Variants in KIF13A observed in about 807,000 individuals in gnomAD.
KIF13A encodes the protein kinesin family member 13A.
KIF13A carries 79 observed loss-of-function variants against 212.2 expected under a neutral mutation model. The ratio of observed to expected loss-of-function variants is 0.37; its 90% CI spans 0.31 to 0.45. The LOEUF (loss-of-function observed/expected upper bound fraction) is 0.45. Among genes scored for constraint, KIF13A ranks in the 20% least tolerant of loss-of-function variants. The pLI is 1.00. For missense variants in KIF13A, 1,901 were observed against 2,209.0 expected (o/e 0.86, Z 2.79); for synonymous variants, 789 against 808.6 (o/e 0.98, Z 0.41).
intron 2 of KIF13A, among the ~76,000 whole-genome samples, chr6:17,902,938 CAT>C (rs1242752186): frequency 2.0e-5 from 3 of 152,160 alleles, no homozygotes; most frequent in Non-Finnish European, 2.9e-5. Context: ...GTGAGTTAAA[CAT>C]AATCCAGTTG....
At chr6:17,893,599 C>T (rs956909996) in intron 3 of KIF13A, among the ~76,000 whole-genome samples, 1 of 152,084 alleles carries the variant, frequency 6.6e-6, no homozygotes, top group Non-Finnish European at 1.5e-5. Flanking sequence ...AACTGCACTG[C>T]CTAGGACCTC....
chr6:17,777,427 A>T lies in KIF13A; in HGVS notation c.4093-73T>A. 2.4e-6 allele frequency: 3 copies of T among 1,239,810 alleles called. No homozygotes were observed. Among genetic ancestry groups the T allele is most frequent in the Non-Finnish European group, 3.5e-6 (3 of 865,212 alleles). 76.8% of individuals were successfully genotyped at this position (1,239,810 alleles called of 1,614,324 possible). A position where few individuals can be genotyped will look rare whatever the true frequency, so the allele number is the denominator to read the frequency against. ...GAGACAGAGTCTCACTCTGTTGCCC[A>T]GGCTGGAGTGTAGTGATGCGATCTC... On this transcript the variant is annotated intron_variant, in intron 33 of 38. Coordinates refer to ENST00000259711, the MANE Select transcript of KIF13A (RefSeq NM_022113.6). The surrounding 1 kb of genome is among the most constrained non-coding windows in gnomAD (Gnocchi z 4.4).
In KIF13A at chr6:17,807,502, GT is replaced by G. The variant is rs143832647; in HGVS notation, c.2163+1265del. Among the ~76,000 whole-genome samples, 1,232 of 152,128 alleles carry G rather than the reference GT, an allele frequency of 8.1e-3. 20 individuals carry two copies. The highest frequency in any genetic ancestry group is 0.029 in the African/African-American group (1,189 of 41,480). On this transcript the variant is annotated intron_variant, in intron 18 of 38. Coordinates refer to ENST00000259711, the MANE Select transcript of KIF13A (RefSeq NM_022113.6). ...CCCTGGTAAGTTTGTGGTCAGACCG[GT>G]TCTCTGCTCTCGAACCCTGTTTTCT...
intron 9 of KIF13A, among the ~76,000 whole-genome samples, chr6:17,840,408 T>C (rs1453630235): frequency 2.0e-5 from 3 of 152,218 alleles, no homozygotes; most frequent in Admixed American, 1.3e-4. Context: ...ATTTTGCAAC[T>C]ATTGATATTT....
intron 2 of KIF13A, among the ~76,000 whole-genome samples, chr6:17,916,199 T>G (rs1385804523): frequency 1.3e-5 from 2 of 152,200 alleles, no homozygotes; most frequent in Non-Finnish European, 2.9e-5. Flanking sequence ...ATCTTCATTG[T>G]GGACAGCAAA....
At chr6:17,866,001 C>T (rs146862147) in intron 4 of KIF13A, among the ~76,000 whole-genome samples, 2,451 of 152,304 alleles carry the variant, frequency 0.016, 42 homozygotes, top group Middle Eastern at 0.065. Flanking sequence ...CATGCAACCA[C>T]TGCCCTGGGC....
chr6:17,882,152 C>A (rs904410662), intron 3 of KIF13A: 3 of 440,354 alleles, frequency 6.8e-6, no homozygotes, highest in Non-Finnish European at 1.4e-5. Flanking sequence ...TTTCATTTGT[C>A]CTTTCGAGTT....
At chr6:17,933,817 T>C (rs1023339047) in intron 2 of KIF13A, among the ~76,000 whole-genome samples, 1 of 152,148 alleles carries the variant, frequency 6.6e-6, no homozygotes, top group African/African-American at 2.4e-5. Flanking sequence ...GCCTTTCTTC[T>C]AATGGGAAAT....
chr6:17,761,625 C>T (rs12198974), downstream of KIF13A, among the ~76,000 whole-genome samples: 631 of 152,176 alleles, frequency 4.1e-3, 2 homozygotes, highest in Non-Finnish European at 5.6e-3. Context: ...TCAGGTGATC[C>T]GCCCGCCTCA....
chr6:17,977,973 A>ACGATTG (rs1331816678), intron 2 of KIF13A, among the ~76,000 whole-genome samples: 1 of 152,258 alleles, frequency 6.6e-6, no homozygotes, highest in Non-Finnish European at 1.5e-5. Context: ...TAAAAAAGAT[A>ACGATTG]CGATTGCGCT....
At chr6:17,810,826 T>A (rs1183965742) in intron 17 of KIF13A, among the ~76,000 whole-genome samples, 1 of 152,160 alleles carries the variant, frequency 6.6e-6, no homozygotes, top group Non-Finnish European at 1.5e-5. Flanking sequence ...ATGCCACTGC[T>A]GATCTGACAG....
intron 38 of KIF13A, among the ~76,000 whole-genome samples, chr6:17,765,456 A>G (rs1446721491): frequency 6.6e-6 from 1 of 152,226 alleles, no homozygotes; most frequent in Non-Finnish European, 1.5e-5. Context: ...AGAAGAGAGT[A>G]AAACAAAGAA....
At chr6:17,891,821 C>T (rs1464953894) in intron 3 of KIF13A, among the ~76,000 whole-genome samples, 1 of 152,122 alleles carries the variant, frequency 6.6e-6, no homozygotes, top group African/African-American at 2.4e-5. Context: ...TCAACTCCAC[C>T]ACCACCAACA....
chr6:17,958,285 G>C (rs1460659180), intron 2 of KIF13A, among the ~76,000 whole-genome samples: 2 of 152,082 alleles, frequency 1.3e-5, no homozygotes, highest in African/African-American at 4.8e-5. Flanking sequence ...GATACTGAAG[G>C]GGTTTGCAAA....
At chr6:17,950,741 G>C (rs1777777644) in intron 2 of KIF13A, 2 of 981,424 alleles carry the variant, frequency 2.0e-6, no homozygotes, top group Non-Finnish European at 2.4e-6. Context: ...ATACTCAAAA[G>C]ATACTTAGAA....
chr6:17,847,500 T>C (rs1172025141), intron 9 of KIF13A, among the ~76,000 whole-genome samples: 1 of 152,238 alleles, frequency 6.6e-6, no homozygotes, highest in Non-Finnish European at 1.5e-5. Flanking sequence ...TTTAAACTTT[T>C]GTATATGAAA....
At chr6:17,901,162 A>C (rs1258330820) in intron 2 of KIF13A, among the ~76,000 whole-genome samples, 1 of 151,088 alleles carries the variant, frequency 6.6e-6, no homozygotes, top group Non-Finnish European at 1.5e-5. Context: ...ATTATCCTGC[A>C]TGAGGTGATG....
intron 2 of KIF13A, among the ~76,000 whole-genome samples, chr6:17,916,138 C>CA (rs1412826247): frequency 6.6e-6 from 1 of 151,958 alleles, no homozygotes; most frequent in Non-Finnish European, 1.5e-5. Flanking sequence ...ACACTAGTGG[C>CA]AAGCGTTCAT....
At chr6:17,820,919 C>G (rs1430959539) in intron 16 of KIF13A, among the ~76,000 whole-genome samples, 2 of 152,154 alleles carry the variant, frequency 1.3e-5, no homozygotes, top group Non-Finnish European at 2.9e-5. Context: ...GTCTAAAAAA[C>G]TGAATTGAGG....
Sources: gnomAD v4.1 joint callset for allele counts (sites outside exome capture counted in the v4.1 genomes callset) on GRCh38, gnomAD v4.1.1 for gene constraint, Gnocchi (gnomAD v3.1) non-coding constraint, MANE v1.5 for transcripts, NCBI Gene and HGNC (gene_info 2026-07-23, HGNC 2026-07-21) for gene names.